Variants in EPYC observed in about 807,000 individuals in gnomAD.
EPYC encodes epiphycan.
In EPYC, 28 loss-of-function variants were observed where a neutral mutation model predicts 30.1. The ratio of observed to expected loss-of-function variants is 0.93; its 90% CI spans 0.69 to 1.28. The LOEUF (loss-of-function observed/expected upper bound fraction) is 1.28, where lower values mean the gene tolerates loss of function less well. Ranked by LOEUF, EPYC falls within the 50% of genes most tolerant of loss-of-function variation. The pLI is 0.00. For synonymous variants in EPYC, 144 were observed against 141.4 expected (o/e 1.02, Z -0.13); for missense variants, 382 against 383.5 (o/e 1.00, Z 0.03).
intron 2 of EPYC, among the ~76,000 whole-genome samples, chr12:90,992,760 A>G (rs1414577904): frequency 6.6e-6 from 1 of 152,140 alleles, no homozygotes; most frequent in Non-Finnish European, 1.5e-5. Flanking sequence ...CTTAAATCAT[A>G]GGCTCATCAG....
intron 3 of EPYC, 90 bp downstream of exon 3, chr12:90,977,998 T>C: frequency 1.6e-6 from 2 of 1,218,246 alleles, no homozygotes; most frequent in Non-Finnish European, 2.2e-6. Flanking sequence ...TCTTGGGTCA[T>C]GTCATGTGGT....
intron 2 of EPYC, among the ~76,000 whole-genome samples, chr12:90,981,141 C>T (rs1877315415): frequency 6.6e-6 from 1 of 152,126 alleles, no homozygotes; most frequent in Non-Finnish European, 1.5e-5. Flanking sequence ...AAATGGATAG[C>T]TCACAGTGGC....
chr12:90,996,686 T>C (rs2120863770), intron 2 of EPYC, among the ~76,000 whole-genome samples: 1 of 152,116 alleles, frequency 6.6e-6, no homozygotes, highest in African/African-American at 2.4e-5. Flanking sequence ...TTAAACAATC[T>C]AGCCACTTTA....
At chr12:90,974,247 C>T (rs770759359) in intron 3 of EPYC, among the ~76,000 whole-genome samples, 2 of 125,556 alleles carry the variant, frequency 1.6e-5, no homozygotes, top group South Asian at 2.9e-4. Flanking sequence ...AATCAACAAC[C>T]TAAGCCTCCT....
At chr12:90,968,588 C>T (rs758979314) in intron 6 of EPYC, among the ~76,000 whole-genome samples, 138 of 152,046 alleles carry the variant, frequency 9.1e-4, no homozygotes, top group African/African-American at 2.5e-3. Flanking sequence ...CTGACAGTGA[C>T]GGAGAAAAAA....
intron 2 of EPYC, among the ~76,000 whole-genome samples, chr12:90,991,651 T>C (rs567501105): frequency 6.6e-6 from 1 of 152,264 alleles, no homozygotes; most frequent in South Asian, 2.1e-4. Flanking sequence ...TTAAGAAGCA[T>C]ATTAATTTTT....
intron 2 of EPYC, among the ~76,000 whole-genome samples, chr12:90,994,954 T>G (rs1350509329): frequency 6.6e-6 from 1 of 152,120 alleles, no homozygotes; most frequent in Non-Finnish European, 1.5e-5. Context: ...GTATTACCAC[T>G]ACGGCAACAA....
chr12:90,995,577 C>T (rs886992632), intron 2 of EPYC, among the ~76,000 whole-genome samples: 2 of 151,758 alleles, frequency 1.3e-5, no homozygotes, highest in African/African-American at 2.4e-5. Flanking sequence ...TTCTGTTCTG[C>T]AGTTATCCTT....
At position 90,964,050 on chromosome 12, in the gene EPYC, C is replaced by A; in HGVS notation, c.*106G>T. On this transcript the variant is annotated 3_prime_UTR_variant, in exon 7 of 7. Coordinates refer to ENST00000261172, the MANE Select transcript of EPYC (RefSeq NM_004950.5). ...ATTGTATTTTATGTAGTCATATCAT[C>A]TCTCAGAACACAATCTCAAAGTATC... is the stretch of plus-strand genomic sequence containing the variant. 1 of 852,206 alleles carries A rather than the reference C, an allele frequency of 1.2e-6. No homozygotes were observed. The highest frequency in any genetic ancestry group is 1.8e-6 in the Non-Finnish European group (1 of 559,862). The allele number at this position is 852,206 out of a possible 1,614,324, so 52.8% of individuals were successfully genotyped here.
intron 2 of EPYC, among the ~76,000 whole-genome samples, chr12:90,997,433 A>G (rs953214924): frequency 6.6e-6 from 1 of 152,080 alleles, no homozygotes; most frequent in Non-Finnish European, 1.5e-5. Flanking sequence ...TGCTGGAAAA[A>G]TGCATTACAC....
At chr12:90,970,485 T>A (rs1451162146) in intron 5 of EPYC, among the ~76,000 whole-genome samples, 1 of 152,222 alleles carries the variant, frequency 6.6e-6, no homozygotes, top group Non-Finnish European at 1.5e-5. Flanking sequence ...TTTTGAGGAT[T>A]TTGATGAGGC....
intron 2 of EPYC, among the ~76,000 whole-genome samples, chr12:90,982,719 A>G (rs1877349775): frequency 6.6e-6 from 1 of 152,060 alleles, no homozygotes; most frequent in South Asian, 2.1e-4. Flanking sequence ...TAGATTCCAC[A>G]TACACTGAGA....
intron 2 of EPYC, among the ~76,000 whole-genome samples, chr12:90,996,950 C>A (rs1231660365): frequency 1.3e-5 from 2 of 151,852 alleles, no homozygotes; most frequent in African/African-American, 4.8e-5. Context: ...TAAAGGTAGG[C>A]AAAGTTATAT....
At chr12:90,970,706 C>A (rs902653338) in intron 5 of EPYC, among the ~76,000 whole-genome samples, 5 of 152,180 alleles carry the variant, frequency 3.3e-5, no homozygotes, top group Non-Finnish European at 7.3e-5. Context: ...TAGACTATGA[C>A]CCTTGCCTGG....
At chr12:90,964,466 C>A (rs922802336) in intron 6 of EPYC, 140 bp from the exon 7 acceptor site, 3 of 554,790 alleles carry the variant, frequency 5.4e-6, no homozygotes, top group African/African-American at 3.8e-5. Flanking sequence ...ATATGCCAAG[C>A]ACTTTCTAAG....
At chr12:91,002,378 T>G (rs563819492) in intron 2 of EPYC, 23 bp downstream of exon 2, 2 of 1,599,750 alleles carry the variant, frequency 1.3e-6, no homozygotes, top group South Asian at 2.3e-5. Context: ...TTTTAAAGTT[T>G]CAAGAGTAGG....
At chr12:90,996,694 T>A (rs1008665431) in intron 2 of EPYC, among the ~76,000 whole-genome samples, 1 of 152,012 alleles carries the variant, frequency 6.6e-6, no homozygotes, top group African/African-American at 2.4e-5. Flanking sequence ...TCTAGCCACT[T>A]TATCTGTCCA....
At chr12:90,974,755 A>G (rs1877143854) in intron 3 of EPYC, among the ~76,000 whole-genome samples, 1 of 152,130 alleles carries the variant, frequency 6.6e-6, no homozygotes, top group African/African-American at 2.4e-5. Context: ...GAGAAATTGC[A>G]TTTTCTTTGT....
chr12:90,994,723 A>G (rs143944792), intron 2 of EPYC, among the ~76,000 whole-genome samples: 56 of 152,290 alleles, frequency 3.7e-4, no homozygotes, highest in African/African-American at 1.3e-3. Context: ...TCCTATTGAG[A>G]AAGCCCAGAC....
Sources: gnomAD v4.1 joint callset for allele counts (sites outside exome capture counted in the v4.1 genomes callset) on GRCh38, gnomAD v4.1.1 for gene constraint, MANE v1.5 for transcripts, NCBI Gene and HGNC (gene_info 2026-07-23, HGNC 2026-07-21) for gene names.